FAM133A: variants seen among roughly 807,000 people sequenced by gnomAD.
FAM133A encodes the protein family with sequence similarity 133 member A, also known as protein FAM133A.
For missense variants in FAM133A, 159 were observed against 164.4 expected (o/e 0.97, Z 0.18); for synonymous variants, 65 against 58.6 (o/e 1.11, Z -0.50).
chrX:93,674,228 C>T lies in FAM133A; in HGVS notation c.-311C>T, dbSNP rs1288833447. On this transcript the variant is annotated 5_prime_UTR_variant, in exon 1 of 4. Coordinates refer to ENST00000683942, the MANE Select transcript of FAM133A (RefSeq NM_001171109.2). ...AATAAGTGCTGTCTGTGATGTTTGG[C>T]AAGCCTGGTTTATATCCATCTACAA... The T allele has an allele frequency of 9.0e-6, 1 of 110,942 alleles. No homozygotes were observed. Among genetic ancestry groups the T allele is most frequent in the Non-Finnish European group, 1.9e-5 (1 of 53,016 alleles). The allele number at this position is 110,942 out of a possible 1,213,427, so 9.1% of individuals were successfully genotyped here. A position where few individuals can be genotyped will look rare whatever the true frequency, so the allele number is the denominator to read the frequency against.
intron 2 of FAM133A, among the ~76,000 whole-genome samples, chrX:93,680,012 C>T (rs770330555): frequency 2.1e-5 from 2 of 95,550 alleles, no homozygotes; most frequent in Admixed American, 1.2e-4. Flanking sequence ...CTCCTGATCT[C>T]GTGATCCGCC....
chrX:93,680,027 T>C (rs1471673295), intron 2 of FAM133A, among the ~76,000 whole-genome samples: 3 of 101,554 alleles, frequency 3.0e-5, no homozygotes, highest in African/African-American at 1.1e-4. Context: ...TCCGCCCACA[T>C]TGGTCTCCCA....
intron 2 of FAM133A, among the ~76,000 whole-genome samples, chrX:93,693,736 A>T (rs762341305): frequency 1.8e-5 from 2 of 111,578 alleles, no homozygotes; most frequent in African/African-American, 3.2e-5. Context: ...GCATTCATCC[A>T]TGCATTTTAG....
chrX:93,693,515 G>A (rs1432674630), intron 2 of FAM133A, among the ~76,000 whole-genome samples: 1 of 111,340 alleles, frequency 9.0e-6, no homozygotes, highest in African/African-American at 3.3e-5. Context: ...AATTACATCA[G>A]TATGACACAT....
chrX:93,709,779 T>C lies in FAM133A; in HGVS notation c.360T>C (p.Ser120=). Residue 120 remains serine (S), a synonymous_variant, in exon 4 of 4, where the codon TCT becomes TCC. Coordinates refer to ENST00000683942, the MANE Select transcript of FAM133A (RefSeq NM_001171109.2). ...SSDSSSSSSD[S]EDEEKKQGKR... ...ATTCTTCAAGCAGTTCTTCAGATTCTGAGGATGAGGAAAAGAAACAAGGAA... is the reference window on the plus strand; with the variant it reads ...ATTCTTCAAGCAGTTCTTCAGATTCCGAGGATGAGGAAAAGAAACAAGGAA... The C allele has an allele frequency of 8.4e-7, 1 of 1,193,824 alleles. No homozygotes were observed. The highest frequency in any genetic ancestry group is 1.8e-5 in the South Asian group (1 of 54,359).
At chrX:93,699,262 C>G (rs1926526666) in intron 3 of FAM133A, among the ~76,000 whole-genome samples, 1 of 110,991 alleles carries the variant, frequency 9.0e-6, no homozygotes, top group Admixed American at 9.6e-5. Flanking sequence ...TTTGGCATAA[C>G]AAAAGTAGAC....
chrX:93,691,814 A>G (rs2147618865), intron 2 of FAM133A, among the ~76,000 whole-genome samples: 1 of 111,305 alleles, frequency 9.0e-6, no homozygotes, highest in Admixed American at 9.6e-5. Context: ...ATTTAGTTAG[A>G]TATTCTTTAA....
chrX:93,689,642 GT>G (rs1442266581), intron 2 of FAM133A, among the ~76,000 whole-genome samples: 20 of 106,050 alleles, frequency 1.9e-4, no homozygotes, highest in African/African-American at 6.2e-4. Flanking sequence ...TTTTATTTGT[GT>G]TTTTTTTTCA....
rs33985910 is a variant in FAM133A, at chrX:93,702,837, TA to T, written c.-104+4385del. On this transcript the variant is annotated intron_variant, in intron 3 of 3. Transcript: ENST00000683942. ...ACTTACAATCTAATTATAGCTATGA[TA>T]AAAAAAAAAAAAAAAAAAAAAAAAA... Among the ~76,000 whole-genome samples the T allele has an allele frequency of 7.1e-3, 307 of 42,998 alleles. 5 individuals carry two copies. The highest frequency in any genetic ancestry group is 0.021 in the East Asian group (22 of 1,025). The allele number at this position is 42,998 out of a possible 115,157, so 37.3% of individuals were successfully genotyped here. A position where few individuals can be genotyped will look rare whatever the true frequency, so the allele number is the denominator to read the frequency against.
chrX:93,710,084 TAAA>T lies in FAM133A; in HGVS notation c.666_668del (p.Lys228del), dbSNP rs1367249195. The T allele has an allele frequency of 7.5e-6, 9 of 1,194,732 alleles. No individual in the cohort carries two copies. The highest frequency in any genetic ancestry group is 2.5e-4 in the Middle Eastern group (1 of 4,018). On this transcript the variant is annotated inframe_deletion, in exon 4 of 4. Coordinates refer to ENST00000683942, the MANE Select transcript of FAM133A (RefSeq NM_001171109.2). ...GAGCGAGAACAAGCAAAGGAAAAAGTAAAGAAGAAGAAGAAGAAACAGCACAAG... is the reference window on the plus strand; with the variant it reads ...GAGCGAGAACAAGCAAAGGAAAAAGTGAAGAAGAAGAAGAAACAGCACAAG...
chrX:93,680,017 T>G (rs1376200098), intron 2 of FAM133A, among the ~76,000 whole-genome samples: 1 of 99,401 alleles, frequency 1.0e-5, no homozygotes, highest in African/African-American at 3.8e-5. Context: ...GATCTCGTGA[T>G]CCGCCCACAT....
At chrX:93,708,567 A>T (rs774208125) in intron 3 of FAM133A, among the ~76,000 whole-genome samples, 30 of 111,860 alleles carry the variant, frequency 2.7e-4, no homozygotes, top group Non-Finnish European at 4.9e-4. Context: ...TCATGTTCAA[A>T]TTTTGAGTTT....
chrX:93,682,659 A>G (rs1020148007), intron 2 of FAM133A, among the ~76,000 whole-genome samples: 1 of 111,397 alleles, frequency 9.0e-6, no homozygotes, highest in African/African-American at 3.3e-5. Context: ...CTTGTTGCCC[A>G]TGCTGGAGTG....
At chrX:93,709,040 A>G (rs1437449749) in intron 3 of FAM133A, among the ~76,000 whole-genome samples, 3 of 111,906 alleles carry the variant, frequency 2.7e-5, no homozygotes, top group Non-Finnish European at 5.6e-5. Context: ...AAAGTTAAGT[A>G]TCATACAATG....
rs764778364 is a variant in FAM133A at position 93,709,854 on chromosome X, T to C, written c.435T>C (p.Ser145=). ...KNRSYKSSQS[S]THESESESKE... is the part of the protein sequence containing the mutation. ...GTTCATACAAATCATCCCAAAGCTC[T>C]ACGCATGAATCAGAATCAGAGAGCA... Residue 145 remains serine (S), a synonymous_variant, in exon 4 of 4, where the codon TCT becomes TCC. Coordinates refer to ENST00000683942, the MANE Select transcript of FAM133A (RefSeq NM_001171109.2). 1.7e-6 allele frequency: 2 copies of C among 1,202,391 alleles called. No individual in the cohort carries two copies. The highest frequency in any genetic ancestry group is 2.2e-5 in the Admixed American group (1 of 45,020).
chrX:93,677,862 C>T (rs1219627229), intron 2 of FAM133A, among the ~76,000 whole-genome samples: 1 of 111,550 alleles, frequency 9.0e-6, no homozygotes, highest in Non-Finnish European at 1.9e-5. Context: ...AATAAGGCTG[C>T]TATGATCATT....
intron 3 of FAM133A, among the ~76,000 whole-genome samples, chrX:93,706,195 G>A (rs1219900977): frequency 3.6e-5 from 4 of 112,175 alleles, no homozygotes; most frequent in Non-Finnish European, 7.5e-5. Flanking sequence ...CAAAGGTAAG[G>A]ATAATACTTG....
chrX:93,693,492 T>C (rs1443469650), intron 2 of FAM133A, among the ~76,000 whole-genome samples: 5 of 111,548 alleles, frequency 4.5e-5, no homozygotes, highest in Admixed American at 9.5e-5. Flanking sequence ...TATTAACAAT[T>C]CTAACAATAT....
intron 2 of FAM133A, among the ~76,000 whole-genome samples, chrX:93,675,110 A>T (rs765118545): frequency 1.3e-4 from 15 of 112,296 alleles, no homozygotes; most frequent in Non-Finnish European, 2.6e-4. Context: ...TTTCTGTTTC[A>T]TAAATGCATT....
Sources: allele counts gnomAD v4.1 joint callset (sites outside exome capture counted in the v4.1 genomes callset), GRCh38; gene constraint gnomAD v4.1.1; transcripts MANE v1.5; gene names NCBI Gene and HGNC (gene_info 2026-07-23, HGNC 2026-07-21).